SDAD1: variants seen among roughly 807,000 people sequenced by gnomAD.
The protein encoded by SDAD1 is SDA1 domain containing 1.
In SDAD1, 79 loss-of-function variants were observed where a neutral mutation model predicts 100.3. The observed-to-expected ratio is 0.79, with a 90% CI of 0.66 to 0.95. The LOEUF is 0.95. Ranked by LOEUF, SDAD1 falls within the 40% of genes least tolerant of loss-of-function variation. The pLI is 0.00. For synonymous variants in SDAD1, 267 were observed against 271.4 expected, an observed-to-expected ratio of 0.98 and a Z score of 0.16; for missense variants, 790 against 810.9, an observed-to-expected ratio of 0.97 and a Z score of 0.31.
At chr4:75,990,282 C>CT (rs1213697250) in intron 1 of SDAD1, among the ~76,000 whole-genome samples, 1 of 149,770 alleles carries the variant, frequency 6.7e-6, no homozygotes, top group African/African-American at 2.5e-5. Flanking sequence ...AAACCCCCCC[C>CT]CCCCCTTTCC....
At chr4:75,973,265 C>T in intron 8 of SDAD1, 52 bp downstream of exon 8, 1 of 1,424,012 alleles carries the variant, frequency 7.0e-7, no homozygotes, top group Non-Finnish European at 9.9e-7. Flanking sequence ...ACAATGTGTA[C>T]TCAGAGCAAT....
At chr4:75,973,063 T>C (rs1273240702) in intron 8 of SDAD1, among the ~76,000 whole-genome samples, 2 of 152,086 alleles carry the variant, frequency 1.3e-5, no homozygotes, top group African/African-American at 2.4e-5. Flanking sequence ...TAAATTTACA[T>C]AGTGAGATAT....
chr4:75,975,169 TG>T (rs1730089256), intron 6 of SDAD1, among the ~76,000 whole-genome samples: 1 of 152,154 alleles, frequency 6.6e-6, no homozygotes, highest in South Asian at 2.1e-4. Context: ...TAACAGTAAT[TG>T]ATTAAAACCA....
At chr4:75,955,433 G>T (rs998316040) in intron 21 of SDAD1, among the ~76,000 whole-genome samples, 2 of 152,044 alleles carry the variant, frequency 1.3e-5, no homozygotes, top group Non-Finnish European at 2.9e-5. Flanking sequence ...GAGCCCCGTT[G>T]CATTGCGGGC....
At chr4:75,967,887 G>T (rs1271018190) in intron 11 of SDAD1, among the ~76,000 whole-genome samples, 1 of 145,224 alleles carries the variant, frequency 6.9e-6, no homozygotes, top group African/African-American at 2.5e-5. Flanking sequence ...TTAACACTCT[G>T]AAGTCCACCT....
intron 12 of SDAD1, among the ~76,000 whole-genome samples, chr4:75,966,689 T>A (rs759934627): frequency 4.6e-5 from 7 of 152,216 alleles, no homozygotes; most frequent in Non-Finnish European, 8.8e-5. Context: ...AAAACGTCAA[T>A]TTTTTAAAAA....
At chr4:75,977,959 A>T (rs945112695) in intron 3 of SDAD1, among the ~76,000 whole-genome samples, 1 of 152,192 alleles carries the variant, frequency 6.6e-6, no homozygotes, top group African/African-American at 2.4e-5. Context: ...GCATATAAAA[A>T]GGAGGATCTA....
At chr4:75,962,473 C>T (rs1729300365) in intron 14 of SDAD1, among the ~76,000 whole-genome samples, 1 of 152,226 alleles carries the variant, frequency 6.6e-6, no homozygotes, top group Non-Finnish European at 1.5e-5. Flanking sequence ...GGAATAGCCA[C>T]ACTGTCTTCC....
At chr4:75,969,055 A>G (rs941192441) in intron 11 of SDAD1, among the ~76,000 whole-genome samples, 1 of 140,124 alleles carries the variant, frequency 7.1e-6, no homozygotes, top group Admixed American at 7.2e-5. Context: ...AAAAAAAAAA[A>G]GCAGAGAATA....
chr4:75,977,593 AAT>A, intron 4 of SDAD1, 51 bp downstream of exon 4: 4 of 1,169,346 alleles, frequency 3.4e-6, no homozygotes, highest in Non-Finnish European at 5.1e-6. Context: ...GAGACAACAA[AAT>A]TTTATGTCGC....
intron 20 of SDAD1, 22 bp from the exon 21 acceptor site, chr4:75,956,158 T>TA (rs756948847): frequency 1.3e-6 from 2 of 1,584,606 alleles, no homozygotes; most frequent in Admixed American, 1.9e-5. Context: ...AAAAGTTTGA[T>TA]ATTTCTTCTT....
At chr4:75,951,389 G>A (rs948754195) in intron 21 of SDAD1, among the ~76,000 whole-genome samples, 2 of 152,110 alleles carry the variant, frequency 1.3e-5, no homozygotes, top group African/African-American at 4.8e-5. Context: ...CCTTTATAAT[G>A]GCTCAAACAT....
At chr4:75,972,272 C>T (rs749393725) in intron 8 of SDAD1, among the ~76,000 whole-genome samples, 2 of 151,844 alleles carry the variant, frequency 1.3e-5, no homozygotes, top group Non-Finnish European at 2.9e-5. Flanking sequence ...GTTGACAACC[C>T]GCTTGGGTCC....
chr4:75,985,074 G>A (rs577179598), intron 1 of SDAD1, among the ~76,000 whole-genome samples: 1 of 152,034 alleles, frequency 6.6e-6, no homozygotes, highest in African/African-American at 2.4e-5. Flanking sequence ...AACTCTTTAT[G>A]CTACTGACAA....
Position 75,957,324 on chromosome 4 carries a change from C to T in SDAD1, c.1854+1G>A. ...AAACTAGGAATGATATGCTCACTCA[C>T]CATTGCAGTTGCTAGTCTTGTCTCT... is the stretch of plus-strand genomic sequence containing the variant. On this transcript the variant is annotated splice_donor_variant, in intron 20 of 21. Transcript: ENST00000356260. LOFTEE classifies it high-confidence loss of function. 6.2e-7 allele frequency: 1 copy of T among 1,612,808 alleles called. No homozygotes were observed. The highest frequency in any genetic ancestry group is 8.5e-7 in the Non-Finnish European group (1 of 1,179,040).
intron 2 of SDAD1, 96 bp from the exon 3 acceptor site, chr4:75,981,566 G>C: frequency 6.4e-7 from 1 of 1,570,964 alleles, no homozygotes; most frequent in South Asian, 1.2e-5. Flanking sequence ...AGAGTAAAAG[G>C]CTATGTTTCA....
intron 1 of SDAD1, among the ~76,000 whole-genome samples, chr4:75,989,847 T>C (rs1329528094): frequency 6.6e-6 from 1 of 152,150 alleles, no homozygotes; most frequent in Non-Finnish European, 1.5e-5. Flanking sequence ...AAAGCACTCA[T>C]AAAATACATA....
intron 17 of SDAD1, 55 bp from the exon 18 acceptor site, chr4:75,957,996 A>C: frequency 7.1e-7 from 1 of 1,411,570 alleles, no homozygotes; most frequent in Non-Finnish European, 1.0e-6. Flanking sequence ...ATTCAACATA[A>C]AGTTGAGATG....
chr4:75,974,297 G>C (rs1176975717), intron 6 of SDAD1, among the ~76,000 whole-genome samples, 164 bp from the exon 7 acceptor site: 1 of 151,500 alleles, frequency 6.6e-6, no homozygotes, highest in Non-Finnish European at 1.5e-5. Context: ...CTTAACCACA[G>C]GTAAAACATT....
Sources: allele counts gnomAD v4.1 joint callset (sites outside exome capture counted in the v4.1 genomes callset), GRCh38; gene constraint gnomAD v4.1.1; transcripts MANE v1.5; gene names NCBI Gene and HGNC (gene_info 2026-07-23, HGNC 2026-07-21).